IL17RC: variants seen among roughly 807,000 people sequenced by gnomAD.
IL17RC encodes the protein interleukin 17 receptor C.
IL17RC carries 53 observed loss-of-function variants against 86.7 expected under a neutral mutation model. That is an observed-to-expected ratio of 0.61 (90% CI 0.49 to 0.77). The LOEUF is 0.77. Ranked by LOEUF, IL17RC falls within the 30% of genes least tolerant of loss-of-function variation. The pLI is 0.00. For synonymous variants in IL17RC, 439 were observed against 413.1 expected, an observed-to-expected ratio of 1.06 and a Z score of -0.76; for missense variants, 957 against 940.0, an observed-to-expected ratio of 1.02 and a Z score of -0.24.
At chr3:9,919,496 A>G (rs1251991083) in intron 5 of IL17RC, among the ~76,000 whole-genome samples, 1 of 152,132 alleles carries the variant, frequency 6.6e-6, no homozygotes, top group Non-Finnish European at 1.5e-5. Context: ...AATACAAAAA[A>G]TTAGCCAGGC....
rs141983363 is a variant in IL17RC at position 9,928,486 on chromosome 3, C to T, written c.1059C>T (p.Asp353=). Residue 353 remains aspartate (D), a splice_region_variant and synonymous_variant, in exon 11 of 19, where the codon GAC becomes GAT. Transcript: ENST00000403601. The part of the protein sequence containing the change: ...PPLSWENVTV[D]KVLEFPLLKG... ...TTTCCTGGGAGAACGTCACTGTGGA[C>T]GTAAGTGAAGCAGAGGGCACCTCCC... 6.6e-5 allele frequency: 106 copies of T among 1,612,306 alleles called. No individual in the cohort carries two copies. The highest frequency in any genetic ancestry group is 5.0e-4 in the Middle Eastern group (3 of 6,056).
intron 7 of IL17RC, among the ~76,000 whole-genome samples, chr3:9,922,109 C>T (rs995162238): frequency 6.6e-6 from 1 of 151,900 alleles, no homozygotes; most frequent in African/African-American, 2.4e-5. Flanking sequence ...TGCACCACCA[C>T]GCACAGCTAA....
chr3:9,933,328 G>C lies in IL17RC; in HGVS notation c.1898G>C (p.Cys633Ser), dbSNP rs748646849. Residue 633 changes from cysteine (C) to serine (S), a missense_variant, in exon 19 of 19, where the codon TGC becomes TCC. Physicochemically the swap from Cys to Ser is moderately radical, Grantham distance 112 (BLOSUM62 -1). Coordinates refer to ENST00000403601, the MANE Select transcript of IL17RC (RefSeq NM_153460.4). ...GRAPGSYVGA[C>S]FDRLLHPDAV... ...GCGCCCGGCAGCTACGTGGGGGCCT[G>C]CTTCGACAGGCTGCTCCACCCGGAC... 2 of 1,608,832 alleles carry C rather than the reference G, an allele frequency of 1.2e-6. No homozygotes were observed. Among genetic ancestry groups the C allele is most frequent in the African/African-American group, 2.7e-5 (2 of 74,848 alleles).
chr3:9,920,144 G>A (rs908371374), intron 5 of IL17RC, among the ~76,000 whole-genome samples: 2 of 152,102 alleles, frequency 1.3e-5, no homozygotes, highest in Admixed American at 1.3e-4. Flanking sequence ...GAGGCACTGG[G>A]TTGAGTGTGA....
chr3:9,931,470 CATATATATAT>C (rs1553593529), intron 16 of IL17RC, among the ~76,000 whole-genome samples: 473 of 43,744 alleles, frequency 0.011, 6 homozygotes, highest in African/African-American at 0.022. Flanking sequence ...CACACACACA[CATATATATAT>C]ATATATATAT....
At chr3:9,924,442 C>A in intron 9 of IL17RC, 151 bp downstream of exon 9, 1 of 693,968 alleles carries the variant, frequency 1.4e-6, no homozygotes, top group South Asian at 1.7e-5. Context: ...TTGACCCTTG[C>A]TGTCCTATGC....
chr3:9,918,215 A>G, intron 3 of IL17RC, 120 bp from the exon 4 acceptor site: 1 of 1,296,380 alleles, frequency 7.7e-7, no homozygotes, highest in Non-Finnish European at 1.1e-6. Context: ...CCCCCAGGCC[A>G]GTGTGGTCTC....
chr3:9,924,414 G>A lies in IL17RC; in HGVS notation c.822+123G>A, dbSNP rs544986581. The A allele has an allele frequency of 8.7e-5, 86 of 983,420 alleles. No individual in the cohort carries two copies. In the East Asian group the frequency reaches 1.6e-3, roughly 18 times the overall value. The allele number at this position is 983,420 out of a possible 1,614,324, so 60.9% of individuals were successfully genotyped here. ...ATTGAGGTGGAGACTGTGGCTCCCT[G>A]GGGTGGCTGGCCCTCCCTTGACCCT... is the stretch of plus-strand genomic sequence containing the variant. On this transcript the variant is annotated intron_variant, in intron 9 of 18. Transcript: ENST00000403601.
intron 8 of IL17RC, 77 bp from the exon 9 acceptor site, chr3:9,924,154 CT>C: frequency 3.7e-6 from 6 of 1,608,614 alleles, no homozygotes; most frequent in Admixed American, 3.4e-5. Context: ...GAACTTCTGC[CT>C]TCCTGGTTTC....
Position 9,932,993 on chromosome 3 carries a change from C to G in IL17RC, c.1563C>G (p.Ala521=), listed in dbSNP as rs749716698. ...GCGCGGCTCTGCTCCTCTACTCAGC[C>G]GATGACTCGGGTTTCGAGCGCCTGG... ...RGRAALLLYS[A]DDSGFERLVG... Residue 521 remains alanine (A), a synonymous_variant, in exon 19 of 19, where the codon GCC becomes GCG. Coordinates refer to ENST00000403601, the MANE Select transcript of IL17RC (RefSeq NM_153460.4). The G allele has an allele frequency of 9.5e-6, 15 of 1,581,908 alleles. No homozygotes were observed. In the Admixed American group the frequency reaches 2.7e-4, roughly 28 times the overall value.
At position 9,917,288 on chromosome 3, in the gene IL17RC, G is replaced by C. The variant is rs767101088; in HGVS notation, c.-28G>C. 2.5e-6 allele frequency: 4 copies of C among 1,596,870 alleles called. No homozygotes were observed. The African/African-American group carries it at 5.4e-5, about 22-fold the overall frequency. On this transcript the variant is annotated 5_prime_UTR_variant, in exon 1 of 19. Transcript: ENST00000403601. ...TGGGGGGGGGCAGCACAGGGCCTCA[G>C]GCCTGGGTGCCACCTGGCACCTAGA...
Position 9,917,943 on chromosome 3 carries a change from C to T in IL17RC, c.148C>T (p.Pro50Ser). 1 of 1,613,538 alleles carries T rather than the reference C, an allele frequency of 6.2e-7. No homozygotes were observed. The highest frequency in any genetic ancestry group is 1.3e-5 in the African/African-American group (1 of 75,066). The change falls in exon 3 of 19, where the codon CCT (proline) becomes TCT (serine). Residue 50 changes from proline (P) to serine (S), a missense_variant. Physicochemically the swap from Pro to Ser is moderately conservative, Grantham distance 74. Transcript: ENST00000403601. ...RLWDSDILCL[P>S]GDIVPAPGPV... ...CACAGACAGTGACATACTCTGCCTG[C>T]CTGGGGACATCGTGCCTGCTCCGGG...
chr3:9,918,344 A>G lies in IL17RC; in HGVS notation c.290A>G (p.Glu97Gly), dbSNP rs1291364596. 1 of 1,592,276 alleles carries G rather than the reference A, an allele frequency of 6.3e-7. No homozygotes were observed. Among genetic ancestry groups the G allele is most frequent in the East Asian group, 2.3e-5 (1 of 43,718 alleles). The change falls in exon 4 of 19, where the codon GAA (glutamate) becomes GGA (glycine). Residue 97 changes from glutamate to glycine, a missense_variant. Coordinates refer to ENST00000403601, the MANE Select transcript of IL17RC (RefSeq NM_153460.4). ...AVHLAVHGHW[E>G]EPEDEEKFGG... ...TCTTGGGTCCTTCTAGGGCACTGGGAAGAGCCTGAAGATGAGGAAAAGTTT... is the reference window on the plus strand; with the variant it reads ...TCTTGGGTCCTTCTAGGGCACTGGGGAGAGCCTGAAGATGAGGAAAAGTTT...
intron 5 of IL17RC, among the ~76,000 whole-genome samples, chr3:9,919,555 A>G (rs1202279017): frequency 2.6e-5 from 4 of 152,118 alleles, no homozygotes; most frequent in African/African-American, 9.7e-5. Flanking sequence ...CAGAGGCAGG[A>G]GAATGGCGTG....
chr3:9,918,699 A>T (rs2083307895), intron 5 of IL17RC, 90 bp downstream of exon 5: 2 of 885,856 alleles, frequency 2.3e-6, no homozygotes, highest in Admixed American at 4.0e-5. Context: ...CAAAAGAATT[A>T]AATTTATTGA....
chr3:9,931,100 T>G (rs1463128389), intron 16 of IL17RC, among the ~76,000 whole-genome samples, 157 bp downstream of exon 16: 1 of 152,082 alleles, frequency 6.6e-6, no homozygotes, highest in Non-Finnish European at 1.5e-5. Flanking sequence ...GATGAGAGCT[T>G]GCAGGGATCG....
At chr3:9,926,836 G>T (rs544273505) in intron 9 of IL17RC, among the ~76,000 whole-genome samples, 1 of 152,108 alleles carries the variant, frequency 6.6e-6, no homozygotes, top group South Asian at 2.1e-4. Flanking sequence ...TTGGCCAGAT[G>T]GTCTCGATCT....
At chr3:9,931,028 T>C in intron 16 of IL17RC, 85 bp downstream of exon 16, 1 of 1,042,208 alleles carries the variant, frequency 9.6e-7, no homozygotes, top group Non-Finnish European at 1.5e-6. Context: ...GCACATGCAA[T>C]GGCCTTGTCC....
chr3:9,917,230 C>G lies in IL17RC; in HGVS notation c.-86C>G. Reference sequence around the variant, plus strand: ...GAGGGATTCCAGCCCCTGCCACCCACAGACACGGGCTGACTGGGGTGTCTG... The same window carrying G: ...GAGGGATTCCAGCCCCTGCCACCCAGAGACACGGGCTGACTGGGGTGTCTG... On this transcript the variant is annotated 5_prime_UTR_variant, in exon 1 of 19. Transcript: ENST00000403601. 1 of 1,091,452 alleles carries G rather than the reference C, an allele frequency of 9.2e-7. No homozygotes were observed. The highest frequency in any genetic ancestry group is 1.5e-5 in the South Asian group (1 of 64,536). 67.6% of individuals were successfully genotyped at this position (1,091,452 alleles called of 1,614,324 possible). A position where few individuals can be genotyped will look rare whatever the true frequency, so the allele number is the denominator to read the frequency against.
Sources: gnomAD v4.1 joint callset for allele counts (sites outside exome capture counted in the v4.1 genomes callset) on GRCh38, gnomAD v4.1.1 for gene constraint, MANE v1.5 for transcripts, NCBI Gene and HGNC (gene_info 2026-07-23, HGNC 2026-07-21) for gene names.